The following ACAD11 variants were observed in gnomAD, a reference collection of about 807,000 sequenced individuals.
ACAD11 encodes acyl-Coenzyme A dehydrogenase family, member 11.
ACAD11 carries 83 observed loss-of-function variants against 102.2 expected under a neutral mutation model. The ratio of observed to expected loss-of-function variants is 0.81; its 90% confidence interval spans 0.68 to 0.97. The LOEUF (loss-of-function observed/expected upper bound fraction) is 0.97, where lower values mean the gene tolerates loss of function less well. Ranked by LOEUF, ACAD11 falls within the 50% of genes least tolerant of loss-of-function variation. The pLI, the probability that ACAD11 is intolerant of heterozygous loss-of-function variation, is 0.00. For synonymous variants in ACAD11, 324 were observed against 319.8 expected (o/e 1.01, Z -0.14); for missense variants, 901 against 951.7 (o/e 0.95, Z 0.70).
chr3:132,636,693 C>G (rs1940286441), intron 5 of ACAD11, among the ~76,000 whole-genome samples: 1 of 152,028 alleles, frequency 6.6e-6, no homozygotes, highest in Non-Finnish European at 1.5e-5. Flanking sequence ...CAAAAACAAA[C>G]CAGCTGCTCA....
In ACAD11 at chr3:132,618,490, T is replaced by G. The variant is rs926071269; in HGVS notation, c.1414+144A>C. ...AAATTTCAAATCCATTTCTTATATTTAAATCAAAGTAACTGAAAAGTAAAA... is the reference window on the plus strand; with the variant it reads ...AAATTTCAAATCCATTTCTTATATTGAAATCAAAGTAACTGAAAAGTAAAA... On this transcript the variant is annotated intron_variant, in intron 11 of 19. Transcript: ENST00000264990. 9.7e-6 allele frequency: 7 copies of G among 724,990 alleles called. No individual in the cohort carries two copies. In the African/African-American group the frequency reaches 1.3e-4, roughly 14 times the overall value. 44.9% of individuals were successfully genotyped at this position (724,990 alleles called of 1,614,324 possible).
At chr3:132,644,683 T>A (rs1079367) in intron 2 of ACAD11, 114 bp downstream of exon 2, 1 of 437,654 alleles carries the variant, frequency 2.3e-6, no homozygotes, top group Non-Finnish European at 4.0e-6. Flanking sequence ...AAATAAAATA[T>A]ATTTTATATT....
At chr3:132,635,089 A>C (rs912742062) in intron 5 of ACAD11, among the ~76,000 whole-genome samples, 1 of 151,162 alleles carries the variant, frequency 6.6e-6, no homozygotes, top group Non-Finnish European at 1.5e-5. Flanking sequence ...AAATAATAAA[A>C]AAATAAAAAA....
intron 9 of ACAD11, chr3:132,621,405 A>T (rs1939603214): frequency 6.6e-6 from 1 of 152,218 alleles, no homozygotes; most frequent in Admixed American, 6.5e-5. Context: ...TCACTGGGAT[A>T]ATAGCTTCAA....
chr3:132,642,619 T>C (rs927854680), intron 3 of ACAD11, 58 bp downstream of exon 3: 1 of 1,496,834 alleles, frequency 6.7e-7, no homozygotes, highest in African/African-American at 1.4e-5. Flanking sequence ...ATAAAACATC[T>C]TAATTAACTT....
At chr3:132,566,296 C>CAAA (rs371477145) in intron 17 of ACAD11, among the ~76,000 whole-genome samples, 2,344 of 61,746 alleles carry the variant, frequency 0.038, 66 homozygotes, top group African/African-American at 0.053. Context: ...AAAACAAACT[C>CAAA]AAAAAAACAA....
chr3:132,575,139 G>A (rs926238322), intron 17 of ACAD11, among the ~76,000 whole-genome samples: 7 of 152,104 alleles, frequency 4.6e-5, no homozygotes, highest in Admixed American at 1.3e-4. Context: ...GAGCCACTGC[G>A]CCTGGCCATA....
intron 13 of ACAD11, among the ~76,000 whole-genome samples, chr3:132,602,388 A>G (rs1220149798): frequency 6.6e-6 from 1 of 152,132 alleles, no homozygotes. Flanking sequence ...CAATTTCTTA[A>G]CTTCCTAAAG....
chr3:132,608,249 G>A (rs1484704589), intron 11 of ACAD11, among the ~76,000 whole-genome samples: 2 of 152,076 alleles, frequency 1.3e-5, no homozygotes, highest in Non-Finnish European at 2.9e-5. Context: ...GCATCATAAT[G>A]ACAGGATCAA....
intron 11 of ACAD11, among the ~76,000 whole-genome samples, chr3:132,605,940 A>T (rs1559953686): frequency 6.6e-6 from 1 of 152,222 alleles, no homozygotes; most frequent in East Asian, 1.9e-4. Flanking sequence ...AACTTCAAAG[A>T]CCCTCTCTGA....
At chr3:132,617,504 G>A (rs1939452745) in intron 11 of ACAD11, among the ~76,000 whole-genome samples, 1 of 152,068 alleles carries the variant, frequency 6.6e-6, no homozygotes, top group African/African-American at 2.4e-5. Context: ...TCATGGCTCT[G>A]CCTTTAAAAT....
chr3:132,611,380 C>T (rs973547410), intron 11 of ACAD11, among the ~76,000 whole-genome samples: 2 of 151,984 alleles, frequency 1.3e-5, no homozygotes, highest in African/African-American at 4.8e-5. Context: ...CCAGGGCAAT[C>T]AAGCAGGAGA....
chr3:132,627,398 A>T (rs542957643), intron 8 of ACAD11, among the ~76,000 whole-genome samples: 7 of 152,316 alleles, frequency 4.6e-5, no homozygotes, highest in African/African-American at 1.4e-4. Flanking sequence ...GGAGCAAAAA[A>T]TCCCGCTTCA....
rs1327464822 is a variant in ACAD11, at chr3:132,576,930, CA to C, written c.1846+13del. 6.3e-7 allele frequency: 1 copy of C among 1,580,190 alleles called. No individual in the cohort carries two copies. The highest frequency in any genetic ancestry group is 8.7e-7 in the Non-Finnish European group (1 of 1,151,254). ...ATGTACAATACTGAAGAATCATTTC[CA>C]AATTCAACTCACCTAGTATTAGATT... On this transcript the variant is annotated intron_variant, in intron 16 of 19. Coordinates refer to ENST00000264990, the MANE Select transcript of ACAD11 (RefSeq NM_032169.5).
Position 132,614,163 on chromosome 3 carries a change from G to T in ACAD11, c.1414+4471C>A, listed in dbSNP as rs541886306. On this transcript the variant is annotated intron_variant, in intron 11 of 19. Transcript: ENST00000264990. Reference sequence around the variant, plus strand: ...GGAGAACTACAAACCACTGCTCAAGGAAATAAGACAGGACACAACCAAATG... The same window carrying T: ...GGAGAACTACAAACCACTGCTCAAGTAAATAAGACAGGACACAACCAAATG... 3.3e-5 allele frequency among the ~76,000 whole-genome samples: 5 copies of T among 152,146 alleles called. No individual in the cohort carries two copies. In the South Asian group the frequency reaches 1.0e-3, roughly 32 times the overall value.
chr3:132,578,256 T>C (rs1184619974), intron 15 of ACAD11, among the ~76,000 whole-genome samples: 2 of 152,132 alleles, frequency 1.3e-5, no homozygotes, highest in Non-Finnish European at 2.9e-5. Context: ...GAGGGTGATC[T>C]TAGCAAATAT....
chr3:132,565,976 T>C (rs1246515531), intron 17 of ACAD11, among the ~76,000 whole-genome samples: 1 of 152,154 alleles, frequency 6.6e-6, no homozygotes, highest in African/African-American at 2.4e-5. Context: ...AATAGCACTA[T>C]AAAATGGACT....
At chr3:132,612,921 G>A (rs543048687) in intron 11 of ACAD11, among the ~76,000 whole-genome samples, 2 of 152,084 alleles carry the variant, frequency 1.3e-5, no homozygotes, top group South Asian at 2.1e-4. Context: ...AAAGGCACAT[G>A]CACACGTATG....
intron 11 of ACAD11, among the ~76,000 whole-genome samples, chr3:132,613,627 A>C (rs1461066577): frequency 2.0e-5 from 3 of 152,030 alleles, no homozygotes; most frequent in Non-Finnish European, 4.4e-5. Context: ...GGCCGGGTGC[A>C]GTGGCTCACG....
Sources: gnomAD v4.1 joint callset for allele counts (sites outside exome capture counted in the v4.1 genomes callset) on GRCh38, gnomAD v4.1.1 for gene constraint, MANE v1.5 for transcripts, NCBI Gene and HGNC (gene_info 2026-07-23, HGNC 2026-07-21) for gene names.